FAM114A1: variants seen among roughly 807,000 people sequenced by gnomAD.
FAM114A1 encodes family with sequence similarity 114 member A1, also known as protein NOXP20.
FAM114A1 carries 62 observed loss-of-function variants against 64.3 expected under a neutral mutation model. The ratio of observed to expected loss-of-function variants is 0.96; its 90% CI spans 0.79 to 1.19. FAM114A1 has a LOEUF of 1.19. Ranked by LOEUF, FAM114A1 falls within the 50% of genes most tolerant of loss-of-function variation. The pLI is 0.00. For missense variants in FAM114A1, 645 were observed against 676.3 expected, an observed-to-expected ratio of 0.95 and a Z score of 0.51; for synonymous variants, 254 against 251.1, an observed-to-expected ratio of 1.01 and a Z score of -0.11.
chr4:38,905,869 G>C lies in FAM114A1; in HGVS notation c.657+8G>C. The stretch of plus-strand genomic sequence containing the variant: ...AATGTGGTTCAAAACACAGTGAGTC[G>C]CTGGCTGCTTCCTCTCTTTCCCCTG... On this transcript the variant is annotated splice_region_variant and intron_variant, in intron 6 of 14. Transcript: ENST00000358869. 1 of 1,605,748 alleles carries C rather than the reference G, an allele frequency of 6.2e-7. No individual in the cohort carries two copies.
chr4:38,904,326 C>G (rs1179385381), intron 4 of FAM114A1, among the ~76,000 whole-genome samples: 1 of 152,184 alleles, frequency 6.6e-6, no homozygotes, highest in African/African-American at 2.4e-5. Flanking sequence ...AGCTATAGCT[C>G]ATCGTGAAGG....
At position 38,917,235 on chromosome 4, in the gene FAM114A1, G is replaced by A. The variant is rs149423304; in HGVS notation, c.945+2162G>A. 9.3e-3 allele frequency among the ~76,000 whole-genome samples: 1,417 copies of A among 152,160 alleles called. 21 individuals carry two copies. Among genetic ancestry groups the A allele is most frequent in the African/African-American group, 0.032 (1,338 of 41,482 alleles). On this transcript the variant is annotated intron_variant, in intron 8 of 14. Transcript: ENST00000358869. Reference sequence around the variant, plus strand: ...TGCCTGTAATACCAGCTACTCAGGAGGCTAAGGCAGGAGAATCGCCTGAAC... The same window carrying A: ...TGCCTGTAATACCAGCTACTCAGGAAGCTAAGGCAGGAGAATCGCCTGAAC...
At chr4:38,910,025 G>A (rs906920740) in intron 7 of FAM114A1, among the ~76,000 whole-genome samples, 1 of 152,094 alleles carries the variant, frequency 6.6e-6, no homozygotes, top group Non-Finnish European at 1.5e-5. Flanking sequence ...CTGAGGTCAG[G>A]AGTTCGAGAC....
intron 2 of FAM114A1, among the ~76,000 whole-genome samples, chr4:38,871,086 CTTT>C (rs9306968): frequency 0.014 from 1,339 of 94,048 alleles, 15 homozygotes; most frequent in African/African-American, 0.052. Context: ...TTTTTTCTTT[CTTT>C]TTTTTTTTTT....
At chr4:38,939,305 A>G (rs1579420887) in intron 13 of FAM114A1, among the ~76,000 whole-genome samples, 2 of 152,242 alleles carry the variant, frequency 1.3e-5, no homozygotes, top group South Asian at 4.1e-4. Context: ...CCACAACAAT[A>G]CCTCTGATCT....
At chr4:38,894,310 C>T (rs1411571970) in intron 4 of FAM114A1, among the ~76,000 whole-genome samples, 1 of 151,966 alleles carries the variant, frequency 6.6e-6, no homozygotes, top group Non-Finnish European at 1.5e-5. Flanking sequence ...AGCCACCATG[C>T]AGATAATAAA....
intron 2 of FAM114A1, among the ~76,000 whole-genome samples, chr4:38,876,837 C>T (rs1714695688): frequency 6.6e-6 from 1 of 152,198 alleles, no homozygotes; most frequent in Admixed American, 6.5e-5. Context: ...ACCCATATTC[C>T]TTGGCTTTGG....
intron 4 of FAM114A1, among the ~76,000 whole-genome samples, chr4:38,895,770 C>G (rs546103170): frequency 6.6e-6 from 1 of 152,182 alleles, no homozygotes; most frequent in South Asian, 2.1e-4. Flanking sequence ...AAGCCTATTG[C>G]GCCGAGGCTG....
intron 4 of FAM114A1, 78 bp downstream of exon 4, chr4:38,891,908 C>G (rs1277161693): frequency 7.7e-7 from 1 of 1,299,770 alleles, no homozygotes; most frequent in Non-Finnish European, 1.0e-6. Context: ...GTACTGTATA[C>G]TAATAGAGTT....
intron 9 of FAM114A1, among the ~76,000 whole-genome samples, chr4:38,927,130 C>T (rs1484309786): frequency 6.6e-6 from 1 of 152,086 alleles, no homozygotes; most frequent in East Asian, 1.9e-4. Context: ...CTGGAAGGCT[C>T]TTCCCCCCTG....
At chr4:38,935,882 C>A in intron 13 of FAM114A1, 92 bp downstream of exon 13, 1 of 889,438 alleles carries the variant, frequency 1.1e-6, no homozygotes, top group Non-Finnish European at 1.8e-6. Flanking sequence ...TTAGTAGCTC[C>A]ATAAAACTGA....
intron 9 of FAM114A1, 100 bp from the exon 10 acceptor site, chr4:38,929,142 A>T: frequency 3.3e-6 from 3 of 911,062 alleles, no homozygotes; most frequent in Non-Finnish European, 5.4e-6. Context: ...TACAACCTCC[A>T]CTTAGTCTAC....
chr4:38,880,552 A>T (rs897926121), intron 3 of FAM114A1, among the ~76,000 whole-genome samples: 1 of 152,170 alleles, frequency 6.6e-6, no homozygotes. Context: ...GGCAGTTTGC[A>T]TGGTATTGGT....
intron 3 of FAM114A1, among the ~76,000 whole-genome samples, chr4:38,886,694 G>A (rs950263700): frequency 1.5e-4 from 22 of 151,458 alleles, no homozygotes; most frequent in Non-Finnish European, 2.9e-4. Flanking sequence ...TTGGGAGGCC[G>A]AGGCGGGCAG....
intron 13 of FAM114A1, among the ~76,000 whole-genome samples, chr4:38,940,045 T>G (rs1166316276): frequency 6.6e-6 from 1 of 152,020 alleles, no homozygotes; most frequent in African/African-American, 2.4e-5. Context: ...CCTACCACCA[T>G]GCCCAGCTAA....
chr4:38,899,904 G>A (rs895531688), intron 4 of FAM114A1, among the ~76,000 whole-genome samples: 2 of 151,522 alleles, frequency 1.3e-5, no homozygotes, highest in African/African-American at 4.9e-5. Flanking sequence ...TTCTTTTAAA[G>A]CCATCAGTTT....
intron 9 of FAM114A1, among the ~76,000 whole-genome samples, chr4:38,926,755 C>T (rs1445077979): frequency 6.6e-6 from 1 of 152,110 alleles, no homozygotes; most frequent in South Asian, 2.1e-4. Flanking sequence ...TGTGCCAGGC[C>T]CTCTCTATCT....
At chr4:38,884,017 ACT>A (rs1715555737) in intron 3 of FAM114A1, among the ~76,000 whole-genome samples, 1 of 151,920 alleles carries the variant, frequency 6.6e-6, no homozygotes, top group Admixed American at 6.6e-5. Context: ...GGAAGCTGAG[ACT>A]CTATTTTTAA....
intron 7 of FAM114A1, among the ~76,000 whole-genome samples, chr4:38,911,767 C>T (rs1302643388): frequency 6.6e-6 from 1 of 150,994 alleles, no homozygotes; most frequent in South Asian, 2.1e-4. Flanking sequence ...CGTGCACTAC[C>T]TACATTTCTC....
Sources: allele counts gnomAD v4.1 joint callset (sites outside exome capture counted in the v4.1 genomes callset), GRCh38; gene constraint gnomAD v4.1.1; transcripts MANE v1.5; gene names NCBI Gene and HGNC (gene_info 2026-07-23, HGNC 2026-07-21).